The following MARCHF4 variants were observed in gnomAD, a reference collection of about 807,000 sequenced individuals.
MARCHF4 encodes E3 ubiquitin-protein ligase MARCHF4.
A neutral mutation model predicts 43.9 loss-of-function variants in MARCHF4; 14 were observed. The observed-to-expected ratio is 0.32, with a 90% CI of 0.21 to 0.50. The LOEUF is 0.50. Ranked by LOEUF, MARCHF4 falls within the 20% of genes least tolerant of loss-of-function variation. MARCHF4 has a pLI of 0.98. For missense variants in MARCHF4, 468 were observed against 536.7 expected (o/e 0.87, Z 1.27); for synonymous variants, 226 against 213.3 (o/e 1.06, Z -0.52).
chr2:216,277,945 A>G, intron 2 of MARCHF4, 81 bp from the exon 3 acceptor site: 1 of 1,302,870 alleles, frequency 7.7e-7, no homozygotes, highest in Non-Finnish European at 1.1e-6. Context: ...TGCTGCTCCA[A>G]CAGCTCACCT....
At chr2:216,315,903 G>C (rs994451045) in intron 1 of MARCHF4, among the ~76,000 whole-genome samples, 3 of 152,194 alleles carry the variant, frequency 2.0e-5, no homozygotes, top group African/African-American at 7.2e-5. Context: ...ACTGGAAGAG[G>C]ATCCCATCTA....
intron 1 of MARCHF4, among the ~76,000 whole-genome samples, chr2:216,352,225 T>A (rs1465081219): frequency 6.6e-6 from 1 of 152,184 alleles, no homozygotes; most frequent in East Asian, 1.9e-4. Flanking sequence ...GTTACCATAG[T>A]GATCACCCCA....
intron 1 of MARCHF4, among the ~76,000 whole-genome samples, chr2:216,326,097 C>A (rs1443721619): frequency 2.1e-5 from 3 of 144,848 alleles, no homozygotes; most frequent in Non-Finnish European, 4.6e-5. Context: ...CTACAATGAA[C>A]TCAAACAAAT....
intron 1 of MARCHF4, among the ~76,000 whole-genome samples, chr2:216,358,987 C>T (rs1402616398): frequency 1.3e-5 from 2 of 152,188 alleles, no homozygotes; most frequent in African/African-American, 2.4e-5. Context: ...TTTGGCTTCA[C>T]TCAAGAATAC....
chr2:216,311,847 A>G lies in MARCHF4; in HGVS notation c.517-28118T>C, dbSNP rs192898022. ...GCACTTGTCTTATCACTTTCTGCTC[A>G]GGATTAGGTATTATAATTTTTATAT... On this transcript the variant is annotated intron_variant, in intron 1 of 3. Transcript: ENST00000273067. 1.1e-3 allele frequency among the ~76,000 whole-genome samples: 164 copies of G among 152,266 alleles called. 1 individual carries two copies. Among genetic ancestry groups the G allele is most frequent in the Middle Eastern group, 3.4e-3 (1 of 294 alleles).
chr2:216,352,029 CT>C (rs993900612), intron 1 of MARCHF4, among the ~76,000 whole-genome samples: 1 of 152,002 alleles, frequency 6.6e-6, no homozygotes, highest in East Asian at 1.9e-4. Context: ...GCATTTCTGA[CT>C]TTTTTTTGGC....
intron 1 of MARCHF4, among the ~76,000 whole-genome samples, chr2:216,360,592 G>A (rs1039017108): frequency 9.2e-5 from 14 of 152,142 alleles, no homozygotes; most frequent in African/African-American, 2.2e-4. Context: ...CCGGGAGATC[G>A]GGAGTGGAAG....
At chr2:216,364,707 C>T (rs760998085) in intron 1 of MARCHF4, among the ~76,000 whole-genome samples, 4 of 152,138 alleles carry the variant, frequency 2.6e-5, no homozygotes, top group Non-Finnish European at 4.4e-5. Context: ...TTGGACAAGC[C>T]AGCAGGACTG....
chr2:216,264,691 G>A (rs1690816332), intron 3 of MARCHF4, among the ~76,000 whole-genome samples: 4 of 152,176 alleles, frequency 2.6e-5, no homozygotes. Flanking sequence ...TTTCCAGTAA[G>A]GGACATTACA....
intron 1 of MARCHF4, among the ~76,000 whole-genome samples, chr2:216,346,150 C>T (rs942554784): frequency 6.6e-6 from 1 of 152,128 alleles, no homozygotes; most frequent in African/African-American, 2.4e-5. Flanking sequence ...CCAATTTTAG[C>T]ATTGTAAGTC....
At chr2:216,277,562 C>T (rs1691046537) in intron 3 of MARCHF4, 110 bp downstream of exon 3, 6 of 1,183,902 alleles carry the variant, frequency 5.1e-6, no homozygotes, top group East Asian at 2.4e-5. Context: ...AGTTCTCAAG[C>T]CTGGGGCCAT....
rs1422077021 is a variant in MARCHF4 at position 216,369,966 on chromosome 2, T to G, written c.295A>C (p.Arg99=). The G allele has an allele frequency of 1.9e-6, 3 of 1,568,436 alleles. No homozygotes were observed. The East Asian group carries it at 7.0e-5, about 37-fold the overall frequency. Residue 99 remains arginine (R), a synonymous_variant, in exon 1 of 4, where the codon AGG becomes CGG. Transcript: ENST00000273067. ...GGAGGTGGCACAGGAGGGGGCTCCC[T>G]GCCCACCACTTCTCGGGGGCCCCTC... ...GWRGPREVVG[R]EPPPVPPPPP...
At chr2:216,346,942 C>T (rs139254472) in intron 1 of MARCHF4, among the ~76,000 whole-genome samples, 8 of 152,034 alleles carry the variant, frequency 5.3e-5, no homozygotes, top group Admixed American at 1.3e-4. Flanking sequence ...GTGCTGCTCT[C>T]GTGGTAGTGA....
chr2:216,306,469 C>T (rs940480006), intron 1 of MARCHF4, among the ~76,000 whole-genome samples: 1 of 152,012 alleles, frequency 6.6e-6, no homozygotes, highest in Non-Finnish European at 1.5e-5. Flanking sequence ...TTTTCTAGAT[C>T]AAAGTTTGCA....
intron 1 of MARCHF4, among the ~76,000 whole-genome samples, chr2:216,285,587 T>C (rs1474791305): frequency 6.6e-6 from 1 of 152,224 alleles, no homozygotes; most frequent in Non-Finnish European, 1.5e-5. Flanking sequence ...CTCTAGGACA[T>C]GGCCAGCCTT....
intron 1 of MARCHF4, among the ~76,000 whole-genome samples, chr2:216,350,833 C>T (rs940189971): frequency 5.9e-5 from 9 of 152,188 alleles, no homozygotes; most frequent in Admixed American, 6.5e-5. Context: ...GTTATTGAGA[C>T]GGAACCATAT....
chr2:216,332,173 T>G (rs1225894645), intron 1 of MARCHF4, among the ~76,000 whole-genome samples: 1 of 152,118 alleles, frequency 6.6e-6, no homozygotes, highest in Non-Finnish European at 1.5e-5. Context: ...AAAGGATCAC[T>G]TGAGCCCAGG....
At chr2:216,310,991 GA>G (rs1281738333) in intron 1 of MARCHF4, among the ~76,000 whole-genome samples, 5 of 152,126 alleles carry the variant, frequency 3.3e-5, no homozygotes, top group African/African-American at 1.2e-4. Flanking sequence ...GGATTATAAA[GA>G]AGTCAAATAC....
intron 2 of MARCHF4, among the ~76,000 whole-genome samples, chr2:216,279,224 A>AG (rs1162942167): frequency 6.6e-6 from 1 of 152,210 alleles, no homozygotes; most frequent in Non-Finnish European, 1.5e-5. Flanking sequence ...CTCCCGGCAG[A>AG]GGGAAGAGCA....
Sources: allele counts gnomAD v4.1 joint callset (sites outside exome capture counted in the v4.1 genomes callset), GRCh38; gene constraint gnomAD v4.1.1; transcripts MANE v1.5; gene names NCBI Gene and HGNC (gene_info 2026-07-23, HGNC 2026-07-21).